Variants in RABGAP1L observed in about 807,000 individuals in gnomAD.
The protein encoded by RABGAP1L is RAB GTPase activating protein 1 like.
Under a neutral mutation model 137.7 loss-of-function variants are expected in RABGAP1L, and 63 were observed. The ratio of observed to expected loss-of-function variants is 0.46; its 90% confidence interval spans 0.37 to 0.56. RABGAP1L has a LOEUF of 0.56. Among genes scored for constraint, RABGAP1L ranks in the 20% least tolerant of loss-of-function variants. The pLI is 0.00. For synonymous variants in RABGAP1L, 431 were observed against 433.7 expected, an observed-to-expected ratio of 0.99 and a Z score of 0.08; for missense variants, 1,095 against 1,244.0, an observed-to-expected ratio of 0.88 and a Z score of 1.80.
chr1:174,682,650 T>C (rs1678169265), intron 14 of RABGAP1L, among the ~76,000 whole-genome samples: 1 of 152,218 alleles, frequency 6.6e-6, no homozygotes, highest in Non-Finnish European at 1.5e-5. Flanking sequence ...ATGTTGTCTT[T>C]TTGTTTGCAT....
At chr1:174,399,949 C>T (rs866245416) in intron 13 of RABGAP1L, among the ~76,000 whole-genome samples, 2 of 152,126 alleles carry the variant, frequency 1.3e-5, no homozygotes, top group African/African-American at 2.4e-5. Context: ...CAAACCATAT[C>T]ATATTTCAGA....
intron 19 of RABGAP1L, chr1:174,922,215 C>T (rs982360193): frequency 2.6e-5 from 4 of 152,486 alleles, no homozygotes; most frequent in Admixed American, 6.5e-5. Context: ...GGTGGCACCA[C>T]TCACACAGTA....
intron 7 of RABGAP1L, among the ~76,000 whole-genome samples, chr1:174,263,965 T>C (rs899741514): frequency 6.6e-6 from 1 of 152,152 alleles, no homozygotes; most frequent in Non-Finnish European, 1.5e-5. Context: ...GTTTAGTTAC[T>C]AATATTTTAT....
chr1:174,514,009 ACTGAATG>A (rs1662579292), intron 13 of RABGAP1L, among the ~76,000 whole-genome samples: 2 of 152,136 alleles, frequency 1.3e-5, no homozygotes, highest in South Asian at 4.1e-4. Flanking sequence ...AAGTGATAGC[ACTGAATG>A]CTGCTGTTCT....
At chr1:174,325,580 C>T (rs1236361855) in intron 11 of RABGAP1L, among the ~76,000 whole-genome samples, 1 of 152,134 alleles carries the variant, frequency 6.6e-6, no homozygotes, top group African/African-American at 2.4e-5. Context: ...CATTACAGTA[C>T]CACACGTGGA....
At chr1:174,439,287 T>G (rs1484867241) in intron 13 of RABGAP1L, among the ~76,000 whole-genome samples, 1 of 152,240 alleles carries the variant, frequency 6.6e-6, no homozygotes, top group South Asian at 2.1e-4. Context: ...TTAAATATTC[T>G]TAGTTGCTAA....
intron 18 of RABGAP1L, among the ~76,000 whole-genome samples, chr1:174,777,749 A>G (rs1330846449): frequency 1.3e-5 from 2 of 152,240 alleles, no homozygotes; most frequent in African/African-American, 4.8e-5. Flanking sequence ...TGATAGAACT[A>G]AGAAATACAT....
chr1:174,629,960 C>T (rs1235980782), intron 13 of RABGAP1L, among the ~76,000 whole-genome samples: 2 of 152,032 alleles, frequency 1.3e-5, no homozygotes, highest in African/African-American at 4.8e-5. Flanking sequence ...GAGGGCATCC[C>T]TGTCTTGTGC....
intron 13 of RABGAP1L, among the ~76,000 whole-genome samples, chr1:174,635,376 A>G (rs1370284176): frequency 1.3e-5 from 2 of 152,216 alleles, no homozygotes; most frequent in African/African-American, 2.4e-5. Context: ...GAAACTATTA[A>G]CTTATCGGAA....
At chr1:174,600,268 A>G (rs1670311480) in intron 13 of RABGAP1L, among the ~76,000 whole-genome samples, 1 of 152,174 alleles carries the variant, frequency 6.6e-6, no homozygotes, top group Admixed American at 6.5e-5. Flanking sequence ...TGGGAGATAC[A>G]ATTCAAGTTG....
intron 17 of RABGAP1L, among the ~76,000 whole-genome samples, chr1:174,746,431 G>A (rs1683871410): frequency 6.6e-6 from 1 of 152,132 alleles, no homozygotes; most frequent in South Asian, 2.1e-4. Context: ...CAGCAAGTTG[G>A]GTTTTTGTTG....
rs543976508 is a variant in RABGAP1L at position 174,854,371 on chromosome 1, G to A, written c.2340+42411G>A. ...TGAGGCTAGAGAATGTCACAGAGGC[G>A]TGCCCTTATTCATAAAACACTAGGG... On this transcript the variant is annotated intron_variant, in intron 19 of 25. Coordinates refer to ENST00000681986, the MANE Select transcript of RABGAP1L (RefSeq NM_001366446.1). Among the ~76,000 whole-genome samples, 7 of 152,190 alleles carry A rather than the reference G, an allele frequency of 4.6e-5. No individual in the cohort carries two copies. The East Asian group carries it at 9.6e-4, about 21-fold the overall frequency.
chr1:174,383,274 C>G (rs1686365126), intron 12 of RABGAP1L, among the ~76,000 whole-genome samples: 1 of 151,294 alleles, frequency 6.6e-6, no homozygotes, highest in Non-Finnish European at 1.5e-5. Flanking sequence ...AGAGGTGGAG[C>G]CTACAGAGGC....
intron 13 of RABGAP1L, among the ~76,000 whole-genome samples, chr1:174,467,075 T>C (rs1657384786): frequency 6.6e-6 from 1 of 152,230 alleles, no homozygotes; most frequent in African/African-American, 2.4e-5. Context: ...TAGTCTATTT[T>C]GGGCTTTCCA....
chr1:174,301,517 C>G (rs538531636), intron 10 of RABGAP1L, among the ~76,000 whole-genome samples: 1 of 151,846 alleles, frequency 6.6e-6, no homozygotes, highest in Admixed American at 6.5e-5. Flanking sequence ...AATGTTACAG[C>G]CTTCTGTGTA....
intron 3 of RABGAP1L, among the ~76,000 whole-genome samples, chr1:174,222,913 A>T (rs1324776868): frequency 6.6e-6 from 1 of 152,104 alleles, no homozygotes; most frequent in Non-Finnish European, 1.5e-5. Flanking sequence ...AGGCGGGCAG[A>T]TCACTTGAAG....
intron 18 of RABGAP1L, among the ~76,000 whole-genome samples, chr1:174,797,714 G>C (rs1212392033): frequency 6.9e-6 from 1 of 144,954 alleles, no homozygotes; most frequent in African/African-American, 2.6e-5. Context: ...GTGGGGTGTG[G>C]TGTGTGGTGT....
At chr1:174,800,351 T>C in intron 18 of RABGAP1L, 1 of 1,550,474 alleles carries the variant, frequency 6.4e-7, no homozygotes. Flanking sequence ...AGGGGTGCCC[T>C]GCCCAGCCCC....
intron 10 of RABGAP1L, among the ~76,000 whole-genome samples, chr1:174,287,367 C>T (rs80143117): frequency 0.073 from 11,103 of 152,216 alleles, 601 homozygotes; most frequent in East Asian, 0.32. Flanking sequence ...TTTTGGTTAA[C>T]ATTTGCATGG....
Sources: allele counts gnomAD v4.1 joint callset (sites outside exome capture counted in the v4.1 genomes callset), GRCh38; gene constraint gnomAD v4.1.1; transcripts MANE v1.5; gene names NCBI Gene and HGNC (gene_info 2026-07-23, HGNC 2026-07-21).